Variants in SGMS1 observed in about 807,000 individuals in gnomAD.
SGMS1 encodes sphingomyelin synthase 1.
In SGMS1, 13 loss-of-function variants were observed where a neutral mutation model predicts 46.2. That is an observed-to-expected ratio of 0.28 (90% confidence interval 0.18 to 0.45). The LOEUF is 0.45. Ranked by LOEUF, SGMS1 falls within the 20% of genes least tolerant of loss-of-function variation. SGMS1 has a pLI of 1.00. For missense variants in SGMS1, 324 were observed against 519.9 expected (o/e 0.62, Z 3.66); for synonymous variants, 203 against 187.8 (o/e 1.08, Z -0.66).
intron 6 of SGMS1, among the ~76,000 whole-genome samples, chr10:50,371,405 CAAG>C (rs1416015246): frequency 2.0e-5 from 3 of 152,208 alleles, no homozygotes; most frequent in Non-Finnish European, 2.9e-5. Context: ...CACAAGGCAG[CAAG>C]AGAACTTTTA....
intron 6 of SGMS1, among the ~76,000 whole-genome samples, chr10:50,424,235 G>T (rs1365237758): frequency 6.6e-6 from 1 of 152,194 alleles, no homozygotes; most frequent in African/African-American, 2.4e-5. Flanking sequence ...CTAGAGGGCA[G>T]TCACAGTCAC....
Position 50,570,623 on chromosome 10 carries a change from T to C in SGMS1, c.-589+19530A>G, listed in dbSNP as rs1838328744. ...TAATAACATAGTATTGAGGGCCTTTTGATTCTCTGCTATTTAAAAAAAGGG... is the reference window on the plus strand; with the variant it reads ...TAATAACATAGTATTGAGGGCCTTTCGATTCTCTGCTATTTAAAAAAAGGG... On this transcript the variant is annotated intron_variant, in intron 2 of 10. Coordinates refer to ENST00000361781, the MANE Select transcript of SGMS1 (RefSeq NM_147156.4). Among the ~76,000 whole-genome samples the C allele has an allele frequency of 2.6e-5, 4 of 152,206 alleles. No homozygotes were observed. In the South Asian group the frequency reaches 8.3e-4, roughly 32 times the overall value.
At position 50,372,592 on chromosome 10, in the gene SGMS1, C is replaced by T. The variant is rs551096763; in HGVS notation, c.-231-28247G>A. On this transcript the variant is annotated intron_variant, in intron 6 of 10. Transcript: ENST00000361781. The stretch of plus-strand genomic sequence containing the variant: ...GCCTGTAGTCCCAGCTACTCGGAGG[C>T]TGAGGCAGGAGAAAGGCGTGAACCC... 2.3e-4 allele frequency among the ~76,000 whole-genome samples: 35 copies of T among 152,104 alleles called. No homozygotes were observed. In the South Asian group the frequency reaches 7.1e-3, roughly 31 times the overall value.
chr10:50,370,520 A>C (rs937877743), intron 6 of SGMS1, among the ~76,000 whole-genome samples: 2 of 151,408 alleles, frequency 1.3e-5, no homozygotes, highest in African/African-American at 4.8e-5. Context: ...AGGTGGGCTG[A>C]TCATGAGGTC....
intron 6 of SGMS1, among the ~76,000 whole-genome samples, chr10:50,380,535 C>G (rs78179059): frequency 1.3e-5 from 2 of 152,148 alleles, no homozygotes; most frequent in Middle Eastern, 3.4e-3. Flanking sequence ...CTCAGTTCCC[C>G]CAGGTCCTCA....
intron 2 of SGMS1, among the ~76,000 whole-genome samples, chr10:50,569,605 G>A (rs1021011779): frequency 1.2e-4 from 19 of 152,164 alleles, no homozygotes; most frequent in African/African-American, 4.3e-4. Flanking sequence ...TTAGTGCACT[G>A]TGGGGTAGAT....
chr10:50,379,226 G>A (rs941107429), intron 6 of SGMS1, among the ~76,000 whole-genome samples: 1 of 152,094 alleles, frequency 6.6e-6, no homozygotes, highest in African/African-American at 2.4e-5. Context: ...GTTCAAAAGT[G>A]CAGCCCTATT....
intron 2 of SGMS1, among the ~76,000 whole-genome samples, chr10:50,557,694 A>G (rs1564431509): frequency 6.6e-6 from 1 of 152,094 alleles, no homozygotes; most frequent in Non-Finnish European, 1.5e-5. Context: ...GCAAAAAAAA[A>G]AAAAAAAATG....
intron 1 of SGMS1, among the ~76,000 whole-genome samples, chr10:50,595,309 G>A (rs1422744405): frequency 6.6e-6 from 1 of 152,046 alleles, no homozygotes; most frequent in Non-Finnish European, 1.5e-5. Context: ...GTGAGTTGCT[G>A]GGACTACAGG....
intron 6 of SGMS1, among the ~76,000 whole-genome samples, chr10:50,362,969 T>A (rs1420805212): frequency 6.6e-6 from 1 of 152,042 alleles, no homozygotes; most frequent in Non-Finnish European, 1.5e-5. Context: ...TATATAAATA[T>A]AAAGACAACT....
chr10:50,622,566 A>G (rs1326464045), intron 1 of SGMS1, among the ~76,000 whole-genome samples: 1 of 152,240 alleles, frequency 6.6e-6, no homozygotes, highest in Non-Finnish European at 1.5e-5. Flanking sequence ...CAAGGGAGCT[A>G]AAATAGTCGA....
intron 2 of SGMS1, among the ~76,000 whole-genome samples, chr10:50,536,448 A>C (rs543509016): frequency 6.6e-6 from 1 of 152,242 alleles, no homozygotes; most frequent in Non-Finnish European, 1.5e-5. Flanking sequence ...AAATGATTAG[A>C]ACTACCAGGA....
At chr10:50,388,777 A>G (rs1848722310) in intron 6 of SGMS1, among the ~76,000 whole-genome samples, 1 of 152,198 alleles carries the variant, frequency 6.6e-6, no homozygotes, top group Non-Finnish European at 1.5e-5. Flanking sequence ...ATAACCTACT[A>G]CATAAAACAA....
intron 3 of SGMS1, among the ~76,000 whole-genome samples, chr10:50,489,250 A>G (rs1837548135): frequency 6.6e-6 from 1 of 152,236 alleles, no homozygotes; most frequent in Non-Finnish European, 1.5e-5. Flanking sequence ...ACCATAAGCA[A>G]TAGGCAAAAT....
chr10:50,529,547 C>T (rs1588866222), intron 2 of SGMS1, among the ~76,000 whole-genome samples: 1 of 152,294 alleles, frequency 6.6e-6, no homozygotes, highest in East Asian at 1.9e-4. Context: ...CGTGGAATTA[C>T]AGGAGGTTCG....
At chr10:50,564,612 A>C (rs1337481436) in intron 2 of SGMS1, among the ~76,000 whole-genome samples, 1 of 152,218 alleles carries the variant, frequency 6.6e-6, no homozygotes, top group African/African-American at 2.4e-5. Context: ...AGTGGTAGTT[A>C]ATGTGGCACT....
At chr10:50,313,793 T>C (rs1195109818) in intron 8 of SGMS1, among the ~76,000 whole-genome samples, 1 of 152,210 alleles carries the variant, frequency 6.6e-6, no homozygotes, top group Non-Finnish European at 1.5e-5. Context: ...ACAATGTGTT[T>C]GGGCAGAAAG....
In SGMS1 at chr10:50,343,810, A is replaced by C; in HGVS notation, c.305T>G (p.Ile102Ser). Residue 102 changes from isoleucine to serine, a missense_variant, in exon 7 of 11, where the codon ATT becomes AGT. This residue lies in a region of SGMS1 where 150 missense variants were observed against 169.8 expected (regional missense o/e 0.88). Coordinates refer to ENST00000361781, the MANE Select transcript of SGMS1 (RefSeq NM_147156.4). ...CCCATTTGGCATCCCGTTGGGTTTA[A>C]TCTTGATGCTGAAGCTGCCGTCGGG... ...PTPDGSFSIK[I>S]KPNGMPNGYR... The C allele has an allele frequency of 6.2e-7, 1 of 1,614,142 alleles. No homozygotes were observed.
At chr10:50,469,382 G>A (rs528295691) in intron 3 of SGMS1, among the ~76,000 whole-genome samples, 1 of 152,276 alleles carries the variant, frequency 6.6e-6, no homozygotes, top group Admixed American at 6.5e-5. Flanking sequence ...AAGCCTCTGA[G>A]AGCACCCTGG....
Sources: gnomAD v4.1 joint callset for allele counts (sites outside exome capture counted in the v4.1 genomes callset) on GRCh38, gnomAD v4.1.1 for gene constraint, gnomAD v4.1.1 regional missense constraint, MANE v1.5 for transcripts, NCBI Gene and HGNC (gene_info 2026-07-23, HGNC 2026-07-21) for gene names.